LGI2: variants seen among roughly 807,000 people sequenced by gnomAD.
LGI2 encodes leucine-rich repeat LGI family member 2.
In LGI2, 30 loss-of-function variants were observed where a neutral mutation model predicts 52.0. That is an observed-to-expected ratio of 0.58 (90% confidence interval 0.43 to 0.78). The LOEUF (loss-of-function observed/expected upper bound fraction) is 0.78. Among genes scored for constraint, LGI2 ranks in the 30% least tolerant of loss-of-function variants. The probability of loss-of-function intolerance (pLI) is 0.00; values close to 1 mark genes in which losing one functional copy is unlikely to be tolerated. For missense variants in LGI2, 573 were observed against 692.5 expected (o/e 0.83, Z 1.94); for synonymous variants, 270 against 271.8 (o/e 0.99, Z 0.06).
intron 1 of LGI2, 50 bp from the exon 2 acceptor site, chr4:25,028,628 G>T (rs758838946): frequency 3.3e-6 from 5 of 1,506,866 alleles, no homozygotes; most frequent in Non-Finnish European, 4.6e-6. Flanking sequence ...TTTAGGAAGT[G>T]CCATGCAGGG....
rs1449941882 is a variant in LGI2, at chr4:25,027,019, C to T, written c.270-80G>A. ...AAAGCCATTTCTCTTTCCTTTGCTA[C>T]GTTTTGATCTGTGGGCAAACATGAG... On this transcript the variant is annotated intron_variant, in intron 2 of 7. Transcript: ENST00000382114. 1.9e-5 allele frequency: 21 copies of T among 1,116,854 alleles called. No homozygotes were observed. The East Asian group carries it at 2.1e-4, about 11-fold the overall frequency. 69.2% of individuals were successfully genotyped at this position (1,116,854 alleles called of 1,614,324 possible).
intron 4 of LGI2, among the ~76,000 whole-genome samples, chr4:25,021,755 C>T (rs766145553): frequency 3.3e-5 from 5 of 151,852 alleles, no homozygotes; most frequent in Admixed American, 6.6e-5. Flanking sequence ...CACGGTGAAA[C>T]GCTGTCTCTA....
At chr4:24,998,742 G>A (rs1361086923), downstream of LGI2, 1 of 152,130 alleles carries the variant, frequency 6.6e-6, no homozygotes. Context: ...AACAGAGAGT[G>A]AGCTACAAAG....
intron 4 of LGI2, among the ~76,000 whole-genome samples, chr4:25,019,927 C>T (rs564146360): frequency 6.6e-6 from 1 of 152,300 alleles, no homozygotes; most frequent in African/African-American, 2.4e-5. Flanking sequence ...CTGCTGTATC[C>T]CCAGTTCCTA....
At chr4:25,018,571 C>T (rs561695193) in intron 5 of LGI2, among the ~76,000 whole-genome samples, 3 of 152,262 alleles carry the variant, frequency 2.0e-5, no homozygotes, top group South Asian at 2.1e-4. Context: ...GTTAAAACTA[C>T]GTCCAGTAGG....
chr4:25,028,554 T>A lies in LGI2; in HGVS notation c.222A>T (p.Ser74=). 1 of 1,613,368 alleles carries A rather than the reference T, an allele frequency of 6.2e-7. No individual in the cohort carries two copies. The highest frequency in any genetic ancestry group is 1.1e-5 in the South Asian group (1 of 90,684). ...GGGAAAACATTCGGTCCTTGATTTC[T>A]GAAAACGTCCCATTTACCAGGCTCC... is the stretch of plus-strand genomic sequence containing the variant. The part of the protein sequence containing the change: ...SSLSLVNGTF[S]EIKDRMFSHL... The change falls in exon 2 of 8, where the codon TCA becomes TCT. Residue 74 remains serine, a synonymous_variant. Transcript: ENST00000382114.
At chr4:25,020,106 A>G (rs1725907841) in intron 4 of LGI2, among the ~76,000 whole-genome samples, 1 of 152,242 alleles carries the variant, frequency 6.6e-6, no homozygotes, top group African/African-American at 2.4e-5. Context: ...GGACTCAGTC[A>G]ATACTCCTTT....
chr4:25,021,949 A>AG (rs61411257), intron 4 of LGI2, among the ~76,000 whole-genome samples: 1 of 144,456 alleles, frequency 6.9e-6, no homozygotes, highest in Non-Finnish European at 1.5e-5. Flanking sequence ...AAAAAAAAAA[A>AG]CAAAGCCACC....
intron 1 of LGI2, among the ~76,000 whole-genome samples, chr4:25,030,091 A>AACACACAC (rs35093206): frequency 1.3e-4 from 20 of 151,012 alleles, no homozygotes; most frequent in African/African-American, 4.6e-4. Context: ...CCAACCCGCA[A>AACACACAC]ACACACACAC....
intron 7 of LGI2, among the ~76,000 whole-genome samples, chr4:25,007,754 C>T (rs1725440247): frequency 6.6e-6 from 1 of 152,152 alleles, no homozygotes. Context: ...TCAGGGTGAA[C>T]ATGACCATGG....
chr4:24,993,201 A>G, the LGI2 span, among the ~76,000 whole-genome samples: 1 of 152,134 alleles, frequency 6.6e-6, no homozygotes, highest in Non-Finnish European at 1.5e-5. Flanking sequence ...AGATATGATT[A>G]TTGTTTTCTC....
At chr4:24,994,485 T>A (rs547073342), downstream of LGI2, among the ~76,000 whole-genome samples, 1 of 152,258 alleles carries the variant, frequency 6.6e-6, no homozygotes, top group South Asian at 2.1e-4. Flanking sequence ...CACTCTCCAG[T>A]CCCAGTGAGG....
intron 7 of LGI2, among the ~76,000 whole-genome samples, chr4:25,010,267 G>T (rs113123067): frequency 6.6e-6 from 1 of 151,940 alleles, no homozygotes; most frequent in Non-Finnish European, 1.5e-5. Flanking sequence ...GCAACAGAGC[G>T]AGACTCCATC....
chr4:25,017,620 G>T (rs1725816924), intron 6 of LGI2, among the ~76,000 whole-genome samples: 1 of 140,534 alleles, frequency 7.1e-6, no homozygotes, highest in African/African-American at 2.7e-5. Flanking sequence ...TAAAGCAAAA[G>T]AACAGTCTCA....
At chr4:24,993,494 G>A in the LGI2 span, among the ~76,000 whole-genome samples, 1 of 152,120 alleles carries the variant, frequency 6.6e-6, no homozygotes, top group Admixed American at 6.5e-5. Context: ...TATTAATTGA[G>A]GTACACTTTG....
In LGI2 at chr4:25,017,581, G is replaced by C. The variant is rs1041704727; in HGVS notation, c.655+408C>G. 8.9e-5 allele frequency among the ~76,000 whole-genome samples: 12 copies of C among 135,280 alleles called. No individual in the cohort carries two copies. The South Asian group carries it at 3.0e-3, about 34-fold the overall frequency. 88.7% of individuals were successfully genotyped at this position (135,280 alleles called of 152,430 possible). A position where few individuals can be genotyped will look rare whatever the true frequency, so the allele number is the denominator to read the frequency against. ...AAAAAAAAAAAAAATTCTGATGTTT[G>C]TTAGTTAAATGTCCAATGAACATCT... On this transcript the variant is annotated intron_variant, in intron 6 of 7. Coordinates refer to ENST00000382114, the MANE Select transcript of LGI2 (RefSeq NM_018176.4).
rs768904587 is a variant in LGI2 at position 25,004,117 on chromosome 4, G to T, written c.972C>A (p.Ser324=). Residue 324 remains serine (S), a synonymous_variant, in exon 8 of 8, where the codon TCC becomes TCA. Transcript: ENST00000382114. The surrounding 1 kb of genome is among the most constrained non-coding windows in gnomAD (Gnocchi z 4.6). ...KFQDIEVSRI[S]KPNDIELFQI... The stretch of plus-strand genomic sequence containing the variant: ...GAAACAGCTCGATGTCATTGGGCTT[G>T]GAAATGCGAGAGACCTCTATGTCTT... The T allele has an allele frequency of 6.2e-7, 1 of 1,614,156 alleles. No individual in the cohort carries two copies. The highest frequency in any genetic ancestry group is 8.5e-7 in the Non-Finnish European group (1 of 1,180,026).
chr4:25,012,602 G>GGGA (rs562007848), intron 6 of LGI2, 103 bp from the exon 7 acceptor site: 5 of 1,199,118 alleles, frequency 4.2e-6, no homozygotes, highest in South Asian at 1.4e-5. Context: ...AAAAGGACTG[G>GGGA]GGAGGAGGAG....
intron 5 of LGI2, among the ~76,000 whole-genome samples, chr4:25,018,860 T>TA (rs376229902): frequency 0.02 from 2,737 of 140,244 alleles, 77 homozygotes; most frequent in African/African-American, 0.064. Context: ...AGACTACATC[T>TA]AAAAAAAAAA....
Sources: gnomAD v4.1 joint callset for allele counts (sites outside exome capture counted in the v4.1 genomes callset) on GRCh38, gnomAD v4.1.1 for gene constraint, Gnocchi (gnomAD v3.1) non-coding constraint, MANE v1.5 for transcripts, NCBI Gene and HGNC (gene_info 2026-07-23, HGNC 2026-07-21) for gene names.